The following ANKRD55 variants were observed in gnomAD, a reference collection of about 807,000 sequenced individuals.
ANKRD55 encodes ankyrin repeat domain 55, also known as ankyrin repeat domain-containing protein 55.
Under a neutral mutation model 60.6 loss-of-function variants are expected in ANKRD55, and 41 were observed. The ratio of observed to expected loss-of-function variants is 0.68; its 90% CI spans 0.53 to 0.88. The LOEUF (loss-of-function observed/expected upper bound fraction) is 0.88. Among genes scored for constraint, ANKRD55 ranks in the 40% least tolerant of loss-of-function variants. The pLI, the probability that ANKRD55 is intolerant of heterozygous loss-of-function variation, is 0.00. For synonymous variants in ANKRD55, 264 were observed against 290.3 expected, an observed-to-expected ratio of 0.91 and a Z score of 0.92; for missense variants, 732 against 767.6, an observed-to-expected ratio of 0.95 and a Z score of 0.55.
chr5:56,213,462 A>G (rs1196945089), intron 2 of ANKRD55, among the ~76,000 whole-genome samples: 6 of 152,166 alleles, frequency 3.9e-5, no homozygotes, highest in Non-Finnish European at 7.3e-5. Context: ...ACCATTCTAA[A>G]AGCAAAAACA....
Position 56,111,241 on chromosome 5 carries a change from A to G in ANKRD55, c.1507T>C (p.Ser503Pro), listed in dbSNP as rs765639707. The G allele has an allele frequency of 1.2e-6, 2 of 1,614,246 alleles. No individual in the cohort carries two copies. The highest frequency in any genetic ancestry group is 3.3e-5 in the Admixed American group (2 of 60,024). The change falls in exon 10 of 12, where the codon TCC (serine) becomes CCC (proline). Residue 503 changes from serine to proline, a missense_variant. By Grantham distance (74) the Ser-to-Pro change is moderately conservative. Coordinates refer to ENST00000341048, the MANE Select transcript of ANKRD55 (RefSeq NM_024669.3). ...PWKSDSNQVF[S>P]YKVWTVSSSD... ...GAAGACACAGTCCAAACTTTGTAGG[A>G]AAATACCTGATTAGAATCACTCTTC...
intron 7 of ANKRD55, among the ~76,000 whole-genome samples, chr5:56,138,115 T>TG (rs1274792058): frequency 4.8e-5 from 7 of 147,068 alleles, no homozygotes; most frequent in Non-Finnish European, 1.0e-4. Flanking sequence ...GACAGTTTGG[T>TG]GGTTTCTTTT....
intron 5 of ANKRD55, 101 bp downstream of exon 5, chr5:56,170,593 C>A (rs958542786): frequency 8.9e-6 from 7 of 788,842 alleles, no homozygotes; most frequent in Admixed American, 5.1e-5. Context: ...AGATGGTTTT[C>A]TTTTTCTTTT....
chr5:56,141,605 T>C (rs966103781), intron 7 of ANKRD55, among the ~76,000 whole-genome samples: 4 of 152,204 alleles, frequency 2.6e-5, no homozygotes, highest in African/African-American at 2.4e-5. Flanking sequence ...TAGCTGAACA[T>C]GTGGAGGTTT....
intron 6 of ANKRD55, among the ~76,000 whole-genome samples, chr5:56,147,041 A>G (rs750504271): frequency 1.3e-5 from 2 of 152,130 alleles, no homozygotes; most frequent in Non-Finnish European, 1.5e-5. Flanking sequence ...CCCCCACAAA[A>G]CCCAACTCTT....
At chr5:56,123,107 G>A (rs1757125763) in intron 8 of ANKRD55, among the ~76,000 whole-genome samples, 1 of 152,010 alleles carries the variant, frequency 6.6e-6, no homozygotes, top group Admixed American at 6.6e-5. Context: ...TATCCCTCTG[G>A]TAAGTCACTC....
intron 7 of ANKRD55, among the ~76,000 whole-genome samples, chr5:56,142,528 G>C (rs1220406000): frequency 6.6e-6 from 1 of 152,148 alleles, no homozygotes; most frequent in African/African-American, 2.4e-5. Context: ...GAATTACCTG[G>C]GGAGGTTTTT....
chr5:56,105,035 T>C (rs1756412618), intron 10 of ANKRD55, among the ~76,000 whole-genome samples: 1 of 152,086 alleles, frequency 6.6e-6, no homozygotes, highest in African/African-American at 2.4e-5. Flanking sequence ...TCCTGCAATG[T>C]TGTGGAAAGT....
chr5:56,144,076 T>G, intron 6 of ANKRD55, 147 bp from the exon 7 acceptor site: 1 of 1,078,412 alleles, frequency 9.3e-7, no homozygotes, highest in East Asian at 2.4e-5. Flanking sequence ...ATTAATCCAT[T>G]CATTCCATAG....
At chr5:56,204,900 G>T (rs925490436) in intron 2 of ANKRD55, among the ~76,000 whole-genome samples, 9 of 152,184 alleles carry the variant, frequency 5.9e-5, no homozygotes, top group African/African-American at 2.2e-4. Context: ...GGAATGGCAG[G>T]TGTTGGAGTC....
intron 2 of ANKRD55, among the ~76,000 whole-genome samples, chr5:56,214,527 T>G (rs148706932): frequency 2.2e-4 from 33 of 152,290 alleles, no homozygotes; most frequent in Admixed American, 9.8e-4. Flanking sequence ...CATCTTAACT[T>G]ACAAGGTAAG....
In ANKRD55 at chr5:56,166,086, T is replaced by TTTCTTTCTTTC. The variant is rs1554040776; in HGVS notation, c.422+4607_422+4608insGAAAGAAAGAA. On this transcript the variant is annotated intron_variant, in intron 5 of 11. Transcript: ENST00000341048. ...CACCCTTCAGGGATCTTTCTTTTCT[T>TTTCTTTCTTTC]TTTCTTTCTTTCTTTCTTTCTTTCT... 2.0e-3 allele frequency among the ~76,000 whole-genome samples: 183 copies of TTTCTTTCTTTC among 91,854 alleles called. 17 individuals are homozygous for TTTCTTTCTTTC. Among genetic ancestry groups the TTTCTTTCTTTC allele is most frequent in the East Asian group, 6.8e-3 (20 of 2,930 alleles). 60.3% of individuals were successfully genotyped at this position (91,854 alleles called of 152,430 possible). A position where few individuals can be genotyped will look rare whatever the true frequency, so the allele number is the denominator to read the frequency against.
chr5:56,126,894 C>T (rs1362288795), intron 8 of ANKRD55, 28 bp downstream of exon 8: 1 of 1,579,934 alleles, frequency 6.3e-7, no homozygotes. Context: ...TGACTAGTTT[C>T]CCAGCACTTT....
At chr5:56,225,520 A>G (rs1760088267) in intron 2 of ANKRD55, among the ~76,000 whole-genome samples, 1 of 152,206 alleles carries the variant, frequency 6.6e-6, no homozygotes. Flanking sequence ...AGAGTATTCA[A>G]TTAGGAAAAC....
chr5:56,166,150 CTTT>C (rs781270117), intron 5 of ANKRD55, among the ~76,000 whole-genome samples: 910 of 79,056 alleles, frequency 0.012, 42 homozygotes, highest in African/African-American at 0.038. Flanking sequence ...TTCTTTCTTT[CTTT>C]CTTCTTTCCT....
chr5:56,146,287 ATT>A (rs58370601), intron 6 of ANKRD55, among the ~76,000 whole-genome samples: 4 of 142,754 alleles, frequency 2.8e-5, no homozygotes, highest in Admixed American at 7.0e-5. Context: ...TGCTCCACTG[ATT>A]TTTTTTTTTT....
intron 2 of ANKRD55, among the ~76,000 whole-genome samples, chr5:56,229,271 G>T (rs1760191275): frequency 6.6e-6 from 1 of 152,072 alleles, no homozygotes; most frequent in South Asian, 2.1e-4. Context: ...ACTACAGGTC[G>T]CTTCCTGCGT....
chr5:56,192,686 C>T (rs896969850), intron 2 of ANKRD55: 27 of 1,303,800 alleles, frequency 2.1e-5, no homozygotes, highest in Non-Finnish European at 3.0e-5. Context: ...TAATGATCCT[C>T]ATGCGAGGCA....
At chr5:56,230,514 A>G (rs1760227695) in intron 2 of ANKRD55, among the ~76,000 whole-genome samples, 1 of 152,224 alleles carries the variant, frequency 6.6e-6, no homozygotes, top group African/African-American at 2.4e-5. Flanking sequence ...GGGTTCACTT[A>G]TCCAGACAGT....
Sources: allele counts gnomAD v4.1 joint callset (sites outside exome capture counted in the v4.1 genomes callset), GRCh38; gene constraint gnomAD v4.1.1; transcripts MANE v1.5; gene names NCBI Gene and HGNC (gene_info 2026-07-23, HGNC 2026-07-21).